SNX29: variants seen among roughly 807,000 people sequenced by gnomAD.
The protein encoded by SNX29 is sorting nexin-29.
A neutral mutation model predicts 102.1 loss-of-function variants in SNX29; 78 were observed. The observed-to-expected ratio is 0.76, with a 90% CI of 0.64 to 0.92. The LOEUF is 0.92. Among genes scored for constraint, SNX29 ranks in the 40% least tolerant of loss-of-function variants. SNX29 has a pLI of 0.00. For synonymous variants in SNX29, 580 were observed against 414.5 expected, an observed-to-expected ratio of 1.40 and a Z score of -4.85; for missense variants, 1,280 against 1,061.7, an observed-to-expected ratio of 1.21 and a Z score of -2.86.
chr16:12,339,526 C>CT lies in SNX29; in HGVS notation c.1783-16632dup, dbSNP rs569551600. ...AAACTGGGCTTAACAAGAAATGAAG[C>CT]TTTTTGAGTGATGAAAACTGGACAT... On this transcript the variant is annotated intron_variant, in intron 15 of 20. Coordinates refer to ENST00000566228, the MANE Select transcript of SNX29 (RefSeq NM_032167.5). Among the ~76,000 whole-genome samples the CT allele has an allele frequency of 6.6e-4, 100 of 152,236 alleles. 2 individuals carry two copies. The South Asian group carries it at 9.9e-3, about 15-fold the overall frequency.
intron 3 of SNX29, among the ~76,000 whole-genome samples, chr16:12,004,527 C>T (rs2056392125): frequency 6.6e-6 from 1 of 152,094 alleles, no homozygotes; most frequent in Non-Finnish European, 1.5e-5. Flanking sequence ...GATCCTTGCT[C>T]TGTAGCCCCT....
intron 13 of SNX29, among the ~76,000 whole-genome samples, chr16:12,141,778 A>G (rs2054878701): frequency 6.6e-6 from 1 of 152,118 alleles, no homozygotes; most frequent in African/African-American, 2.4e-5. Flanking sequence ...TTTTATCACC[A>G]TCTTGGTTTT....
chr16:12,524,871 C>A, intron 20 of SNX29, 30 bp downstream of exon 20: 1 of 1,597,308 alleles, frequency 6.3e-7, no homozygotes, highest in African/African-American at 1.3e-5. Flanking sequence ...ACATGGGCCG[C>A]CAGCCCTGCC....
intron 15 of SNX29, among the ~76,000 whole-genome samples, chr16:12,308,550 C>G (rs919164872): frequency 6.6e-6 from 1 of 152,142 alleles, no homozygotes; most frequent in Non-Finnish European, 1.5e-5. Context: ...TGTTTGTCAA[C>G]TTGTTGTGCA....
intron 1 of SNX29, among the ~76,000 whole-genome samples, chr16:11,984,530 C>T (rs1255924639): frequency 6.6e-6 from 1 of 152,076 alleles, no homozygotes; most frequent in Non-Finnish European, 1.5e-5. Flanking sequence ...ATGGAATGTA[C>T]AGTCCATCAT....
intron 3 of SNX29, among the ~76,000 whole-genome samples, chr16:12,013,528 T>TATATATATATATATAC (rs1567526019): frequency 2.6e-5 from 3 of 116,010 alleles, no homozygotes; most frequent in Admixed American, 1.9e-4. Flanking sequence ...TATATATATA[T>TATATATATATATATAC]ATATATATAT....
At chr16:12,544,766 C>T (rs753652283) in intron 20 of SNX29, among the ~76,000 whole-genome samples, 17 of 152,192 alleles carry the variant, frequency 1.1e-4, no homozygotes, top group South Asian at 2.1e-4. Flanking sequence ...CTCTGGGTCG[C>T]ACAGCTGGTA....
chr16:11,992,681 C>T (rs938513214), intron 1 of SNX29, among the ~76,000 whole-genome samples: 4 of 152,222 alleles, frequency 2.6e-5, no homozygotes, highest in Non-Finnish European at 5.9e-5. Flanking sequence ...GCCTCCAATG[C>T]AGCACCTGCT....
intron 18 of SNX29, among the ~76,000 whole-genome samples, chr16:12,468,300 G>T (rs2087165782): frequency 6.8e-6 from 1 of 147,376 alleles, no homozygotes; most frequent in Non-Finnish European, 1.5e-5. Context: ...TCAGCCTCCC[G>T]AGTACCTGGG....
chr16:12,222,361 C>G (rs537946031), intron 14 of SNX29, among the ~76,000 whole-genome samples: 53 of 152,198 alleles, frequency 3.5e-4, no homozygotes, highest in Non-Finnish European at 6.0e-4. Context: ...TCCTCTAAGC[C>G]TCTCCTTTCC....
chr16:12,568,689 A>T lies in SNX29; in HGVS notation c.*60A>T. 1 of 1,580,238 alleles carries T rather than the reference A, an allele frequency of 6.3e-7. No individual in the cohort carries two copies. Among genetic ancestry groups the T allele is most frequent in the Middle Eastern group, 1.7e-4 (1 of 5,942 alleles). ...GGCACCAGCTGCGTCCACCCCAGCC[A>T]CTGCCGCTGGCCCCTCACCTCAGCG... is the stretch of plus-strand genomic sequence containing the variant. On this transcript the variant is annotated 3_prime_UTR_variant, in exon 21 of 21. Coordinates refer to ENST00000566228, the MANE Select transcript of SNX29 (RefSeq NM_032167.5).
chr16:12,537,870 A>G (rs182949755), intron 20 of SNX29, among the ~76,000 whole-genome samples: 1 of 151,916 alleles, frequency 6.6e-6, no homozygotes, highest in Admixed American at 6.6e-5. Context: ...TTATAGTCCC[A>G]GCTTTTTGGG....
chr16:12,087,955 G>A (rs1361579621), intron 11 of SNX29: 1 of 456,640 alleles, frequency 2.2e-6, no homozygotes, highest in Non-Finnish European at 4.4e-6. Flanking sequence ...AGGACCTGTT[G>A]GGCAGTGGGT....
At chr16:12,396,384 T>G (rs1246043605) in intron 16 of SNX29, among the ~76,000 whole-genome samples, 2 of 152,224 alleles carry the variant, frequency 1.3e-5, no homozygotes, top group African/African-American at 4.8e-5. Context: ...CTCTGTTCAC[T>G]TCCAGTTGGA....
rs1208806876 is a variant in SNX29 at position 12,571,288 on chromosome 16, AT to A, written c.*2661del. 3 of 231,870 alleles carry A rather than the reference AT, an allele frequency of 1.3e-5. No homozygotes were observed. The highest frequency in any genetic ancestry group is 2.6e-5 in the Non-Finnish European group (3 of 117,272). The allele number at this position is 231,870 out of a possible 1,614,324, so 14.4% of individuals were successfully genotyped here. A position where few individuals can be genotyped will look rare whatever the true frequency, so the allele number is the denominator to read the frequency against. On this transcript the variant is annotated 3_prime_UTR_variant, in exon 21 of 21. Transcript: ENST00000566228. ...ATTGTGGCTGAAACCTGGTGCCCAA[AT>A]TCCACACCCTGGAAATGTGTCAACT... is the stretch of plus-strand genomic sequence containing the variant.
intron 16 of SNX29, among the ~76,000 whole-genome samples, chr16:12,380,936 ACCATCCATCCATCCAC>A (rs2083092919): frequency 1.9e-5 from 1 of 53,852 alleles, no homozygotes; most frequent in Admixed American, 1.7e-4. Flanking sequence ...CCATCCATCC[ACCATCCATCCATCCAC>A]CCATCCATCA....
At chr16:12,256,658 A>G (rs1367915518) in intron 14 of SNX29, among the ~76,000 whole-genome samples, 1 of 152,186 alleles carries the variant, frequency 6.6e-6, no homozygotes, top group Non-Finnish European at 1.5e-5. Context: ...AGAGACAATC[A>G]GCATTCAGCA....
intron 14 of SNX29, among the ~76,000 whole-genome samples, chr16:12,216,855 G>T (rs2077338959): frequency 6.6e-6 from 1 of 152,170 alleles, no homozygotes; most frequent in Non-Finnish European, 1.5e-5. Flanking sequence ...AAGTTCACTT[G>T]TCTTCTCTTC....
chr16:12,562,074 C>G (rs1410610005), intron 20 of SNX29, among the ~76,000 whole-genome samples: 2 of 152,164 alleles, frequency 1.3e-5, no homozygotes, highest in African/African-American at 4.8e-5. Flanking sequence ...CCCGTGTTTT[C>G]TGCCCAGTAG....
Sources: allele counts gnomAD v4.1 joint callset (sites outside exome capture counted in the v4.1 genomes callset), GRCh38; gene constraint gnomAD v4.1.1; transcripts MANE v1.5; gene names NCBI Gene and HGNC (gene_info 2026-07-23, HGNC 2026-07-21).